ARHGEF28: variants seen among roughly 807,000 people sequenced by gnomAD.
The protein encoded by ARHGEF28 is Rho guanine nucleotide exchange factor 28.
In ARHGEF28, 152 loss-of-function variants were observed where a neutral mutation model predicts 206.6. That is an observed-to-expected ratio of 0.74 (90% CI 0.64 to 0.84). The LOEUF (loss-of-function observed/expected upper bound fraction) is 0.84. Ranked by LOEUF, ARHGEF28 falls within the 40% of genes least tolerant of loss-of-function variation. The pLI is 0.00. For missense variants in ARHGEF28, 2,028 were observed against 2,073.2 expected (o/e 0.98, Z 0.42); for synonymous variants, 763 against 776.4 (o/e 0.98, Z 0.29).
intron 2 of ARHGEF28, among the ~76,000 whole-genome samples, chr5:73,706,812 T>C (rs1748962520): frequency 1.3e-5 from 2 of 152,178 alleles, no homozygotes; most frequent in Admixed American, 6.5e-5. Context: ...GTAGGTGCCC[T>C]CTCTCCTCCT....
intron 6 of ARHGEF28, among the ~76,000 whole-genome samples, chr5:73,779,160 A>G (rs1259816520): frequency 6.6e-6 from 1 of 152,268 alleles, no homozygotes; most frequent in Non-Finnish European, 1.5e-5. Flanking sequence ...TTCAATTGAC[A>G]GTGATGGCCT....
At chr5:73,671,714 A>T (rs1365105952) in intron 1 of ARHGEF28, among the ~76,000 whole-genome samples, 4 of 46,198 alleles carry the variant, frequency 8.7e-5, no homozygotes, top group Admixed American at 3.3e-4. Flanking sequence ...ATATATATAT[A>T]TATATATATA....
intron 14 of ARHGEF28, among the ~76,000 whole-genome samples, chr5:73,856,599 T>C (rs1022916485): frequency 6.6e-6 from 1 of 152,134 alleles, no homozygotes; most frequent in South Asian, 2.1e-4. Context: ...AATAATTTAG[T>C]CTAAGCCTGA....
At chr5:73,905,644 T>C (rs547052180) in intron 33 of ARHGEF28, among the ~76,000 whole-genome samples, 12 of 152,348 alleles carry the variant, frequency 7.9e-5, no homozygotes, top group African/African-American at 2.9e-4. Flanking sequence ...TATTATTCTA[T>C]TGCATACTTT....
chr5:73,832,635 C>T (rs1757368855), intron 10 of ARHGEF28, among the ~76,000 whole-genome samples, 176 bp downstream of exon 10: 1 of 152,212 alleles, frequency 6.6e-6, no homozygotes, highest in Non-Finnish European at 1.5e-5. Context: ...TAGGTGCTTA[C>T]TTCAGAACAC....
chr5:73,687,968 T>C (rs1747574449), intron 2 of ARHGEF28, among the ~76,000 whole-genome samples: 1 of 152,180 alleles, frequency 6.6e-6, no homozygotes, highest in Non-Finnish European at 1.5e-5. Context: ...TTGGTGACTT[T>C]ATGTATGTAC....
chr5:73,909,150 C>G, intron 33 of ARHGEF28: 1 of 351,506 alleles, frequency 2.8e-6, no homozygotes. Context: ...AACTACCTTC[C>G]CACAGGAGAG....
intron 9 of ARHGEF28, among the ~76,000 whole-genome samples, chr5:73,816,489 C>A (rs1319180416): frequency 6.6e-6 from 1 of 152,102 alleles, no homozygotes; most frequent in African/African-American, 2.4e-5. Flanking sequence ...TGTTGGCAAA[C>A]CTCTCTTGAG....
chr5:73,779,140 C>T (rs1035709859), intron 6 of ARHGEF28, among the ~76,000 whole-genome samples: 2 of 152,170 alleles, frequency 1.3e-5, no homozygotes, highest in Non-Finnish European at 1.5e-5. Context: ...TTCATACTTT[C>T]GCACTACATT....
At chr5:73,892,296 A>G (rs754434881) in intron 27 of ARHGEF28, 66 bp downstream of exon 27, 6 of 1,489,600 alleles carry the variant, frequency 4.0e-6, no homozygotes, top group Non-Finnish European at 5.4e-6. Flanking sequence ...TATTCTAACC[A>G]TGTCTTCCTG....
intron 1 of ARHGEF28, among the ~76,000 whole-genome samples, chr5:73,663,101 G>C (rs1745712881): frequency 6.6e-6 from 1 of 152,068 alleles, no homozygotes; most frequent in Non-Finnish European, 1.5e-5. Context: ...GATTACAGGT[G>C]CACACCACCA....
chr5:73,778,631 A>T (rs998007680), intron 6 of ARHGEF28, among the ~76,000 whole-genome samples: 1 of 152,122 alleles, frequency 6.6e-6, no homozygotes, highest in Non-Finnish European at 1.5e-5. Context: ...GGGCTGAGAG[A>T]TTCTTTATGG....
intron 4 of ARHGEF28, among the ~76,000 whole-genome samples, chr5:73,765,902 C>T (rs1395613531): frequency 6.6e-6 from 1 of 152,152 alleles, no homozygotes; most frequent in Middle Eastern, 3.2e-3. Flanking sequence ...CCTGTAATCC[C>T]AGCACTTTGG....
intron 16 of ARHGEF28, among the ~76,000 whole-genome samples, chr5:73,862,761 C>CA (rs936656558): frequency 1.3e-5 from 2 of 150,424 alleles, no homozygotes; most frequent in African/African-American, 2.4e-5. Context: ...TTTTCTATTT[C>CA]AAAAAAAAGT....
At chr5:73,933,952 A>C (rs1208438403) in intron 35 of ARHGEF28, among the ~76,000 whole-genome samples, 1 of 150,724 alleles carries the variant, frequency 6.6e-6, no homozygotes. Context: ...GTTTGTTTGA[A>C]TTGGAATCCA....
intron 35 of ARHGEF28, among the ~76,000 whole-genome samples, chr5:73,931,411 A>AT (rs574975030): frequency 2.6e-5 from 4 of 152,208 alleles, no homozygotes; most frequent in Admixed American, 1.3e-4. Flanking sequence ...GAGATATTCT[A>AT]TTTTTTAAAA....
At chr5:73,811,408 T>C (rs1755827789) in intron 9 of ARHGEF28, among the ~76,000 whole-genome samples, 1 of 152,232 alleles carries the variant, frequency 6.6e-6, no homozygotes, top group Non-Finnish European at 1.5e-5. Context: ...TTTTAATCAG[T>C]TGTCATGTAA....
intron 9 of ARHGEF28, among the ~76,000 whole-genome samples, chr5:73,812,374 C>T (rs1317266248): frequency 6.6e-6 from 1 of 152,050 alleles, no homozygotes; most frequent in East Asian, 1.9e-4. Context: ...CTTAATGGAT[C>T]CTCATATTGT....
chr5:73,783,923 T>G (rs1753999824), intron 7 of ARHGEF28, among the ~76,000 whole-genome samples: 1 of 152,200 alleles, frequency 6.6e-6, no homozygotes, highest in Non-Finnish European at 1.5e-5. Context: ...AAATAATTAA[T>G]GGGTATACTT....
Sources: allele counts gnomAD v4.1 joint callset (sites outside exome capture counted in the v4.1 genomes callset), GRCh38; gene constraint gnomAD v4.1.1; transcripts MANE v1.5; gene names NCBI Gene and HGNC (gene_info 2026-07-23, HGNC 2026-07-21).